DIAPH3: variants seen among roughly 807,000 people sequenced by gnomAD.
DIAPH3 encodes protein diaphanous homolog 3.
Under a neutral mutation model 144.3 loss-of-function variants are expected in DIAPH3, and 117 were observed. The observed-to-expected ratio is 0.81, with a 90% CI of 0.70 to 0.95. The LOEUF is 0.95. DIAPH3 is among the 40% of genes least tolerant of loss of function. The pLI is 0.00. For synonymous variants in DIAPH3, 519 were observed against 488.9 expected (o/e 1.06, Z -0.81); for missense variants, 1,421 against 1,412.7 (o/e 1.01, Z -0.09).
intron 4 of DIAPH3, among the ~76,000 whole-genome samples, chr13:60,050,126 T>C (rs1195252052): frequency 2.0e-5 from 3 of 152,096 alleles, no homozygotes; most frequent in African/African-American, 7.2e-5. Context: ...CCCAGGAGTT[T>C]GAGGTTGCCA....
intron 22 of DIAPH3, among the ~76,000 whole-genome samples, chr13:59,841,009 T>C (rs181779517): frequency 1.3e-5 from 2 of 152,280 alleles, no homozygotes; most frequent in East Asian, 3.9e-4. Flanking sequence ...ATATTTCCTA[T>C]GTTATACTCT....
At chr13:59,824,778 G>C (rs540812499) in intron 24 of DIAPH3, among the ~76,000 whole-genome samples, 1 of 152,060 alleles carries the variant, frequency 6.6e-6, no homozygotes, top group Non-Finnish European at 1.5e-5. Context: ...TTTTAAGGCA[G>C]GGATTTTTTT....
intron 1 of DIAPH3, among the ~76,000 whole-genome samples, chr13:60,152,487 GATAT>G (rs144792127): frequency 7.1e-6 from 1 of 139,974 alleles, no homozygotes; most frequent in African/African-American, 2.6e-5. Flanking sequence ...TTTAGGGAAA[GATAT>G]ATATATATAT....
chr13:59,809,153 A>C (rs1307272716), intron 25 of DIAPH3, among the ~76,000 whole-genome samples: 1 of 152,208 alleles, frequency 6.6e-6, no homozygotes, highest in Non-Finnish European at 1.5e-5. Context: ...CACAAACAAT[A>C]CATCCAATCT....
At position 59,959,125 on chromosome 13, in the gene DIAPH3, C is replaced by T. The variant is rs1016087240; in HGVS notation, c.2074+10819G>A. ...TCCTGACCTCAGGTGCTCCACCCAC[C>T]TCAGCCTCACAAAGTGCGGAGATTA... is the stretch of plus-strand genomic sequence containing the variant. On this transcript the variant is annotated intron_variant, in intron 17 of 27. Coordinates refer to ENST00000400324, the MANE Select transcript of DIAPH3 (RefSeq NM_001042517.2). Among the ~76,000 whole-genome samples the T allele has an allele frequency of 4.6e-5, 7 of 152,234 alleles. No homozygotes were observed. In the East Asian group the frequency reaches 1.4e-3, roughly 29 times the overall value.
intron 27 of DIAPH3, among the ~76,000 whole-genome samples, chr13:59,727,961 G>A (rs895841550): frequency 6.6e-6 from 1 of 151,846 alleles, no homozygotes; most frequent in African/African-American, 2.4e-5. Flanking sequence ...GTCAAAATGG[G>A]CCTGGGATAC....
chr13:59,716,910 G>A (rs2035088258), intron 27 of DIAPH3, among the ~76,000 whole-genome samples: 1 of 151,902 alleles, frequency 6.6e-6, no homozygotes, highest in South Asian at 2.1e-4. Context: ...GCACTCTTTT[G>A]TGATGATTCT....
At chr13:60,093,026 G>C (rs927826081) in intron 4 of DIAPH3, among the ~76,000 whole-genome samples, 1 of 152,046 alleles carries the variant, frequency 6.6e-6, no homozygotes, top group African/African-American at 2.4e-5. Flanking sequence ...ATTTGTATGT[G>C]ACTAGTCAAG....
chr13:59,691,360 C>T (rs973863011), intron 27 of DIAPH3, among the ~76,000 whole-genome samples: 1 of 152,040 alleles, frequency 6.6e-6, no homozygotes. Flanking sequence ...CAACCTTGAG[C>T]AATGTTTTGC....
At chr13:59,927,409 T>C (rs1594018651) in intron 17 of DIAPH3, among the ~76,000 whole-genome samples, 1 of 152,196 alleles carries the variant, frequency 6.6e-6, no homozygotes, top group Non-Finnish European at 1.5e-5. Context: ...TCTTCCTCTC[T>C]GTTTATCTTT....
At chr13:59,681,624 C>G (rs1188347646) in intron 27 of DIAPH3, among the ~76,000 whole-genome samples, 1 of 151,418 alleles carries the variant, frequency 6.6e-6, no homozygotes. Flanking sequence ...CCATTTCAGG[C>G]TATATTTTAC....
intron 25 of DIAPH3, among the ~76,000 whole-genome samples, chr13:59,793,064 C>T (rs1293833671): frequency 1.3e-5 from 2 of 152,164 alleles, no homozygotes; most frequent in African/African-American, 2.4e-5. Flanking sequence ...TCTGCAAAGG[C>T]CTTCCTTTTA....
At chr13:59,932,794 G>C (rs2048083981) in intron 17 of DIAPH3, among the ~76,000 whole-genome samples, 2 of 152,050 alleles carry the variant, frequency 1.3e-5, no homozygotes. Context: ...ATGGACAAAG[G>C]GATACAAAGA....
At chr13:59,746,625 A>C (rs1408228306) in intron 27 of DIAPH3, among the ~76,000 whole-genome samples, 1 of 152,146 alleles carries the variant, frequency 6.6e-6, no homozygotes, top group Non-Finnish European at 1.5e-5. Flanking sequence ...TATCTCCAAA[A>C]TTCTCCTTTT....
At chr13:59,667,865 T>G (rs1270350079) in intron 27 of DIAPH3, among the ~76,000 whole-genome samples, 1 of 152,232 alleles carries the variant, frequency 6.6e-6, no homozygotes, top group Non-Finnish European at 1.5e-5. Flanking sequence ...GCACAAGCAG[T>G]CACTCATGAC....
chr13:59,892,319 G>C (rs1466221341), intron 20 of DIAPH3, among the ~76,000 whole-genome samples: 1 of 151,740 alleles, frequency 6.6e-6, no homozygotes, highest in Non-Finnish European at 1.5e-5. Flanking sequence ...CAGTGGAAAA[G>C]GACAAGGGTA....
At chr13:59,669,570 G>T (rs565702293) in intron 27 of DIAPH3, among the ~76,000 whole-genome samples, 2 of 152,076 alleles carry the variant, frequency 1.3e-5, no homozygotes, top group South Asian at 4.2e-4. Context: ...GGTGAGTGAC[G>T]GATGTGACTT....
intron 1 of DIAPH3, among the ~76,000 whole-genome samples, chr13:60,140,192 C>T (rs185611396): frequency 6.6e-6 from 1 of 152,306 alleles, no homozygotes; most frequent in African/African-American, 2.4e-5. Flanking sequence ...ATCACCCATT[C>T]TTTCACATAT....
chr13:59,786,448 A>AT (rs1325566006), intron 25 of DIAPH3, among the ~76,000 whole-genome samples: 2 of 152,178 alleles, frequency 1.3e-5, no homozygotes, highest in Non-Finnish European at 2.9e-5. Context: ...ATTGTATCAT[A>AT]TTGTTATTAA....
Sources: allele counts gnomAD v4.1 joint callset (sites outside exome capture counted in the v4.1 genomes callset), GRCh38; gene constraint gnomAD v4.1.1; transcripts MANE v1.5; gene names NCBI Gene and HGNC (gene_info 2026-07-23, HGNC 2026-07-21).